Variants in DGAT1 observed in about 807,000 individuals in gnomAD.
DGAT1 encodes diacylglycerol O-acyltransferase 1, also known as ACAT related gene product 1.
In DGAT1, 60 loss-of-function variants were observed where a neutral mutation model predicts 72.6. The ratio of observed to expected loss-of-function variants is 0.83; its 90% confidence interval spans 0.67 to 1.02. The LOEUF (loss-of-function observed/expected upper bound fraction) is 1.02, where lower values mean the gene tolerates loss of function less well. Ranked by LOEUF, DGAT1 falls within the 50% of genes least tolerant of loss-of-function variation. The probability of loss-of-function intolerance (pLI) is 0.00; values close to 1 mark genes in which losing one functional copy is unlikely to be tolerated. For synonymous variants in DGAT1, 290 were observed against 267.5 expected (o/e 1.08, Z -0.82); for missense variants, 592 against 670.0 (o/e 0.88, Z 1.29).
Position 144,325,575 on chromosome 8 carries a change from G to C in DGAT1, c.200+862C>G, listed in dbSNP as rs370294987. On this transcript the variant is annotated intron_variant, in intron 1 of 16. Transcript: ENST00000528718. Reference sequence around the variant, plus strand: ...CTGGGCCAGGGTAAAGGCCATAAAGGGGGGATGGAGGGTGGCAAGGGGATT... The same window carrying C: ...CTGGGCCAGGGTAAAGGCCATAAAGCGGGGATGGAGGGTGGCAAGGGGATT... Among the ~76,000 whole-genome samples, 8 of 152,348 alleles carry C rather than the reference G, an allele frequency of 5.3e-5. No individual in the cohort carries two copies. The East Asian group carries it at 5.8e-4, about 11-fold the overall frequency.
At chr8:144,326,127 G>A (rs1250546613) in intron 1 of DGAT1, among the ~76,000 whole-genome samples, 1 of 152,084 alleles carries the variant, frequency 6.6e-6, no homozygotes, top group African/African-American at 2.4e-5. Context: ...GTCCAGGGCC[G>A]GGCCCCCACC....
chr8:144,316,394 G>T lies in DGAT1; in HGVS notation c.*160C>A. On this transcript the variant is annotated 3_prime_UTR_variant, in exon 17 of 17. Coordinates refer to ENST00000528718, the MANE Select transcript of DGAT1 (RefSeq NM_012079.6). Reference sequence around the variant, plus strand: ...TGGCCTGCTGTCGCCATCCCTGAGGGGTGCAGGACAGAGCCCCATAGGGGC... The same window carrying T: ...TGGCCTGCTGTCGCCATCCCTGAGGTGTGCAGGACAGAGCCCCATAGGGGC... The T allele has an allele frequency of 2.2e-6, 2 of 899,270 alleles. No homozygotes were observed. The highest frequency in any genetic ancestry group is 2.7e-5 in the East Asian group (1 of 37,276). 55.7% of individuals were successfully genotyped at this position (899,270 alleles called of 1,614,324 possible).
chr8:144,317,416 G>A lies in DGAT1; in HGVS notation c.1011C>T (p.Phe337=), dbSNP rs149384210. The change falls in exon 13 of 17, where the codon TTC becomes TTT. Residue 337 remains phenylalanine, a synonymous_variant. Coordinates refer to ENST00000528718, the MANE Select transcript of DGAT1 (RefSeq NM_012079.6). ...GGCAGGAGTGGAAGAGCCAGTAGAAGAAGATGAGCCAGATGAGGTGATTGG... is the reference window on the plus strand; with the variant it reads ...GGCAGGAGTGGAAGAGCCAGTAGAAAAAGATGAGCCAGATGAGGTGATTGG... ...AVPNHLIWLI[F]FYWLFHSCLN... The A allele has an allele frequency of 3.3e-5, 54 of 1,613,886 alleles. No individual in the cohort carries two copies. In the African/African-American group the frequency reaches 6.7e-4, roughly 20 times the overall value.
In DGAT1 at chr8:144,318,032, G is replaced by A; in HGVS notation, c.752-15C>T. ...GTAGTAGAGATCTGGAATGGGAATG[G>A]GGGGTTGGTACCAGAACAGGCCCAG... On this transcript the variant is annotated splice_polypyrimidine_tract_variant and intron_variant, in intron 8 of 16. Transcript: ENST00000528718. The A allele has an allele frequency of 6.6e-7, 1 of 1,517,178 alleles. No individual in the cohort carries two copies. The highest frequency in any genetic ancestry group is 1.3e-5 in the South Asian group (1 of 75,228). The allele number at this position is 1,517,178 out of a possible 1,614,324, so 94.0% of individuals were successfully genotyped here.
rs993085184 is a variant in DGAT1, at chr8:144,315,434, C to T, written c.*1120G>A. The stretch of plus-strand genomic sequence containing the variant: ...GAGGCCCCTGGTGCAGTCCTGGGAC[C>T]CTGTGCAGGGCCTCCTCAAACACCT... On this transcript the variant is annotated 3_prime_UTR_variant, in exon 17 of 17. Coordinates refer to ENST00000528718, the MANE Select transcript of DGAT1 (RefSeq NM_012079.6). The T allele has an allele frequency of 1.3e-5, 13 of 985,398 alleles. No individual in the cohort carries two copies. The African/African-American group carries it at 2.3e-4, about 17-fold the overall frequency. The allele number at this position is 985,398 out of a possible 1,614,324, so 61.0% of individuals were successfully genotyped here.
chr8:144,318,475 T>C lies in DGAT1; in HGVS notation c.560A>G (p.Glu187Gly). Residue 187 changes from glutamate (E) to glycine (G), a missense_variant, in exon 6 of 17, where the codon GAG (glutamate) becomes GGG (glycine). Coordinates refer to ENST00000528718, the MANE Select transcript of DGAT1 (RefSeq NM_012079.6). Reference protein sequence around the residue: ...CFPAAVVLLVESITPVGSLLA... With the variant: ...CFPAAVVLLVGSITPVGSLLA... ...TGGGGGCGCACCTGGAGTGATAGAC[T>C]CAACCAGTAAGACCACAGCCGCTGG... 1 of 1,611,204 alleles carries C rather than the reference T, an allele frequency of 6.2e-7. No individual in the cohort carries two copies. Among genetic ancestry groups the C allele is most frequent in the Non-Finnish European group, 8.5e-7 (1 of 1,179,700 alleles).
In DGAT1 at chr8:144,318,428, G is replaced by A. The variant is rs200022247; in HGVS notation, c.574+33C>T. 222 of 1,608,878 alleles carry A rather than the reference G, an allele frequency of 1.4e-4. 1 individual carries two copies. In the African/African-American group the frequency reaches 2.1e-3, roughly 15 times the overall value. ...CGGAGGCCATGCCCGTGGCTGGCCC[G>A]AGACAGATGGGCAGGGTGGGATGGG... On this transcript the variant is annotated intron_variant, in intron 6 of 16. Coordinates refer to ENST00000528718, the MANE Select transcript of DGAT1 (RefSeq NM_012079.6).
chr8:144,319,666 C>T (rs1452293038), intron 2 of DGAT1, among the ~76,000 whole-genome samples: 1 of 152,200 alleles, frequency 6.6e-6, no homozygotes, highest in African/African-American at 2.4e-5. Context: ...TTCCTGCCGC[C>T]CTCTAAGCCT....
chr8:144,319,207 T>A, intron 2 of DGAT1, 139 bp from the exon 3 acceptor site: 1 of 940,002 alleles, frequency 1.1e-6, no homozygotes, highest in Non-Finnish European at 1.7e-6. Context: ...CAGCCCTGTC[T>A]GGTCTCCATG....
intron 9 of DGAT1, 26 bp downstream of exon 9, chr8:144,317,888 T>C: frequency 6.4e-7 from 1 of 1,550,432 alleles, no homozygotes; most frequent in Non-Finnish European, 8.7e-7. Context: ...TAGCCTCCAG[T>C]GGCTGCCCCC....
intron 2 of DGAT1, among the ~76,000 whole-genome samples, chr8:144,319,597 G>A (rs1234006295): frequency 2.0e-5 from 3 of 152,208 alleles, no homozygotes; most frequent in Admixed American, 1.3e-4. Context: ...CAGCTGTGTC[G>A]CAAGGGGGGC....
Position 144,326,742 on chromosome 8 carries a change from C to A in DGAT1, c.-106G>T, listed in dbSNP as rs974918795. ...GCCCTAGACAACGGCCGCCACTGCC[C>A]CCTGCCGGCCGCCGTAGCCCGGGTG... is the stretch of plus-strand genomic sequence containing the variant. On this transcript the variant is annotated 5_prime_UTR_variant, in exon 1 of 17. Coordinates refer to ENST00000528718, the MANE Select transcript of DGAT1 (RefSeq NM_012079.6). 1 of 949,722 alleles carries A rather than the reference C, an allele frequency of 1.1e-6. No homozygotes were observed. Among genetic ancestry groups the A allele is most frequent in the Non-Finnish European group, 1.3e-6 (1 of 771,754 alleles). 58.8% of individuals were successfully genotyped at this position (949,722 alleles called of 1,614,324 possible).
chr8:144,318,970 G>A, intron 3 of DGAT1, 50 bp from the exon 4 acceptor site: 1 of 1,562,116 alleles, frequency 6.4e-7, no homozygotes, highest in Non-Finnish European at 8.7e-7. Context: ...GGGGCTGTGG[G>A]GCGGGGCCTG....
At chr8:144,326,399 C>T in intron 1 of DGAT1, 38 bp downstream of exon 1, 1 of 1,380,684 alleles carries the variant, frequency 7.2e-7, no homozygotes. Context: ...GTCGCGGGGC[C>T]CTTGGGTCAG....
At chr8:144,323,967 GA>G (rs1554848484) in intron 1 of DGAT1, among the ~76,000 whole-genome samples, 1 of 152,186 alleles carries the variant, frequency 6.6e-6, no homozygotes, top group Non-Finnish European at 1.5e-5. Context: ...GCACCTCGCA[GA>G]CCCTGCTGGA....
chr8:144,314,833 G>A lies in DGAT1; in HGVS notation c.*1721C>T, dbSNP rs145195023. On this transcript the variant is annotated 3_prime_UTR_variant, in exon 17 of 17. Coordinates refer to ENST00000528718, the MANE Select transcript of DGAT1 (RefSeq NM_012079.6). ...CTGCAGTGGCCTCCTGGGGGAAGAC[G>A]GATGCTTGCAGCTAGCTCCGTGCCT... The A allele has an allele frequency of 2.2e-5, 20 of 907,016 alleles. No individual in the cohort carries two copies. The South Asian group carries it at 4.0e-4, about 18-fold the overall frequency. The allele number at this position is 907,016 out of a possible 1,614,324, so 56.2% of individuals were successfully genotyped here. A position where few individuals can be genotyped will look rare whatever the true frequency, so the allele number is the denominator to read the frequency against.
In DGAT1 at chr8:144,326,560, G is replaced by A. The variant is rs2130551216; in HGVS notation, c.77C>T (p.Ala26Val). The change falls in exon 1 of 17, where the codon GCG (alanine) becomes GTG (valine). Residue 26 changes from alanine (A) to valine (V), a missense_variant. Physicochemically the swap from Ala to Val is moderately conservative, Grantham distance 64 (BLOSUM62 0). Transcript: ENST00000528718. ...PSSHGGGGPA[A>V]AEEEVRDAAA... Reference sequence around the variant, plus strand: ...GGCGTCCCGCACCTCCTCTTCCGCCGCCGCAGGCCCGCCGCCGCCGTGGCT... The same window carrying A: ...GGCGTCCCGCACCTCCTCTTCCGCCACCGCAGGCCCGCCGCCGCCGTGGCT... The A allele has an allele frequency of 3.2e-6, 4 of 1,255,640 alleles. No individual in the cohort carries two copies. In the East Asian group the frequency reaches 9.6e-5, roughly 30 times the overall value. The allele number at this position is 1,255,640 out of a possible 1,614,324, so 77.8% of individuals were successfully genotyped here.
chr8:144,319,769 C>T (rs1194017493), intron 2 of DGAT1, among the ~76,000 whole-genome samples: 1 of 152,224 alleles, frequency 6.6e-6, no homozygotes, highest in East Asian at 1.9e-4. Flanking sequence ...TGGCCTCCCT[C>T]TGCAAGGACA....
In DGAT1 at chr8:144,326,544, C is replaced by A. The variant is rs1231645624; in HGVS notation, c.93G>T (p.Val31=). The change falls in exon 1 of 17, where the codon GTG becomes GTT. Residue 31 remains valine (V), a synonymous_variant. Coordinates refer to ENST00000528718, the MANE Select transcript of DGAT1 (RefSeq NM_012079.6). ...GGGPAAAEEE[V]RDAAAGPDVG... ...CGTCGGGGCCCGCAGCGGCGTCCCG[C>A]ACCTCCTCTTCCGCCGCCGCAGGCC... 19 of 1,271,060 alleles carry A rather than the reference C, an allele frequency of 1.5e-5. No individual in the cohort carries two copies. The African/African-American group carries it at 2.2e-4, about 15-fold the overall frequency. The allele number at this position is 1,271,060 out of a possible 1,614,324, so 78.7% of individuals were successfully genotyped here. A position where few individuals can be genotyped will look rare whatever the true frequency, so the allele number is the denominator to read the frequency against.
Sources: gnomAD v4.1 joint callset for allele counts (sites outside exome capture counted in the v4.1 genomes callset) on GRCh38, gnomAD v4.1.1 for gene constraint, MANE v1.5 for transcripts, NCBI Gene and HGNC (gene_info 2026-07-23, HGNC 2026-07-21) for gene names.